Variants in QKI observed in about 807,000 individuals in gnomAD.
QKI encodes the protein QKI, KH domain containing RNA binding, also known as KH domain-containing RNA-binding protein QKI.
A neutral mutation model predicts 39.0 loss-of-function variants in QKI; 10 were observed. The observed-to-expected ratio is 0.26, with a 90% confidence interval of 0.16 to 0.43. The LOEUF (loss-of-function observed/expected upper bound fraction) is 0.43, where lower values mean the gene tolerates loss of function less well. Among genes scored for constraint, QKI ranks in the 20% least tolerant of loss-of-function variants. The pLI is 1.00. For missense variants in QKI, 218 were observed against 428.0 expected (o/e 0.51, Z 4.33); for synonymous variants, 204 against 155.4 (o/e 1.31, Z -2.33).
chr6:163,431,755 G>A (rs544759135), intron 1 of QKI, among the ~76,000 whole-genome samples: 108 of 150,372 alleles, frequency 7.2e-4, no homozygotes, highest in Admixed American at 5.1e-3. Flanking sequence ...GTCTAAGGGT[G>A]GATAGTAGAA....
At chr6:163,491,748 A>G (rs1016441650) in intron 3 of QKI, among the ~76,000 whole-genome samples, 31 of 152,216 alleles carry the variant, frequency 2.0e-4, no homozygotes, top group Admixed American at 3.3e-4. Flanking sequence ...AATTTATTTG[A>G]AAATACATTT....
intron 3 of QKI, among the ~76,000 whole-genome samples, chr6:163,486,225 T>C (rs1407472606): frequency 1.3e-5 from 2 of 152,254 alleles, no homozygotes; most frequent in African/African-American, 4.8e-5. Context: ...CTTCCATCTC[T>C]CACTGGATAT....
chr6:163,517,081 TTCTCTC>T (rs757701002), intron 3 of QKI, among the ~76,000 whole-genome samples: 10 of 97,654 alleles, frequency 1.0e-4, no homozygotes, highest in South Asian at 4.0e-4. Context: ...CTCTCTCTCT[TTCTCTC>T]TCTCTCTCTC....
At chr6:163,516,034 AGAG>A (rs1779773608) in intron 3 of QKI, among the ~76,000 whole-genome samples, 1 of 152,066 alleles carries the variant, frequency 6.6e-6, no homozygotes, top group Non-Finnish European at 1.5e-5. Context: ...TTATTTTTAA[AGAG>A]AATACCTTTT....
intron 1 of QKI, among the ~76,000 whole-genome samples, chr6:163,447,605 G>A (rs1440611952): frequency 6.6e-6 from 1 of 152,012 alleles, no homozygotes; most frequent in Admixed American, 6.6e-5. Flanking sequence ...AGGACATAAC[G>A]ATATTTGTTA....
At chr6:163,431,228 C>T (rs934789575) in intron 1 of QKI, among the ~76,000 whole-genome samples, 1 of 152,040 alleles carries the variant, frequency 6.6e-6, no homozygotes, top group African/African-American at 2.4e-5. Context: ...CTTCAGGTTT[C>T]AATTGAAAGG....
intron 4 of QKI, among the ~76,000 whole-genome samples, chr6:163,537,147 A>T (rs1781255769): frequency 6.6e-6 from 1 of 152,134 alleles, no homozygotes; most frequent in Non-Finnish European, 1.5e-5. Flanking sequence ...GTTGAGCTAT[A>T]TGATAGCACC....
At chr6:163,492,924 T>C (rs998735731) in intron 3 of QKI, among the ~76,000 whole-genome samples, 4 of 152,170 alleles carry the variant, frequency 2.6e-5, no homozygotes, top group Non-Finnish European at 4.4e-5. Context: ...AACCTCATCT[T>C]TTATAACATA....
intron 3 of QKI, among the ~76,000 whole-genome samples, chr6:163,494,656 T>C (rs1031295135): frequency 1.1e-5 from 1 of 89,936 alleles, no homozygotes; most frequent in Admixed American, 1.3e-4. Context: ...TTTGGGTTTT[T>C]TTTTTGTTTT....
At chr6:163,415,681 G>T (rs1443607380) in intron 1 of QKI, among the ~76,000 whole-genome samples, 1 of 151,856 alleles carries the variant, frequency 6.6e-6, no homozygotes, top group Non-Finnish European at 1.5e-5. Context: ...GGACTCGGTG[G>T]TCCTCGCCGA....
At position 163,565,257 on chromosome 6, in the gene QKI, C is replaced by A. The variant is rs181840555; in HGVS notation, c.935-1464C>A. The A allele has an allele frequency of 6.1e-6, 6 of 986,708 alleles. No homozygotes were observed. The East Asian group carries it at 6.8e-4, about 112-fold the overall frequency. 61.1% of individuals were successfully genotyped at this position (986,708 alleles called of 1,614,324 possible). A position where few individuals can be genotyped will look rare whatever the true frequency, so the allele number is the denominator to read the frequency against. Reference sequence around the variant, plus strand: ...CTATTAATACTCTGTCCTGTGGTCCCGTGCATGCTCCTTTTCCCAGAACTC... The same window carrying A: ...CTATTAATACTCTGTCCTGTGGTCCAGTGCATGCTCCTTTTCCCAGAACTC... On this transcript the variant is annotated intron_variant, in intron 6 of 7. Coordinates refer to ENST00000361752, the MANE Select transcript of QKI (RefSeq NM_006775.3).
chr6:163,540,347 T>C (rs1781435932), intron 4 of QKI, among the ~76,000 whole-genome samples: 1 of 152,168 alleles, frequency 6.6e-6, no homozygotes, highest in African/African-American at 2.4e-5. Flanking sequence ...CTAATAAATC[T>C]GATTAAAGAT....
intron 3 of QKI, among the ~76,000 whole-genome samples, chr6:163,494,236 T>TA: frequency 6.6e-6 from 1 of 152,340 alleles, no homozygotes; most frequent in African/African-American, 2.4e-5. Context: ...TTCAGTATTT[T>TA]AAGTAATCTA....
chr6:163,535,211 A>G, intron 4 of QKI, 86 bp downstream of exon 4: 1 of 1,304,918 alleles, frequency 7.7e-7, no homozygotes, highest in South Asian at 2.1e-5. Flanking sequence ...TATAAGGAAT[A>G]GGTTATTGGT....
chr6:163,508,193 G>A (rs1779214956), intron 3 of QKI, among the ~76,000 whole-genome samples: 1 of 151,938 alleles, frequency 6.6e-6, no homozygotes, highest in Non-Finnish European at 1.5e-5. Flanking sequence ...GAAAAAGAGG[G>A]TAAATAAGAC....
At chr6:163,452,243 A>G (rs1419884715) in intron 1 of QKI, among the ~76,000 whole-genome samples, 2 of 152,230 alleles carry the variant, frequency 1.3e-5, no homozygotes, top group African/African-American at 4.8e-5. Context: ...TAAAGGTAGT[A>G]CATAGTTGGC....
chr6:163,431,137 T>G (rs2128210969), intron 1 of QKI, among the ~76,000 whole-genome samples: 1 of 152,282 alleles, frequency 6.6e-6, no homozygotes, highest in South Asian at 2.1e-4. Context: ...GGAATCTTAA[T>G]TTTGAATGAG....
Position 163,546,868 on chromosome 6 carries a change from A to G in QKI, c.546+11743A>G, listed in dbSNP as rs1293313334. Among the ~76,000 whole-genome samples, 9 of 151,436 alleles carry G rather than the reference A, an allele frequency of 5.9e-5. No individual in the cohort carries two copies. In the East Asian group the frequency reaches 1.3e-3, roughly 23 times the overall value. ...CTTTATGGGAATTAACTCTGAAACC[A>G]TATTGCCAAATTATATAAATAAGTA... On this transcript the variant is annotated intron_variant, in intron 4 of 7. Transcript: ENST00000361752.
chr6:163,526,780 A>G (rs1317156137), intron 3 of QKI, among the ~76,000 whole-genome samples: 1 of 152,180 alleles, frequency 6.6e-6, no homozygotes, highest in Non-Finnish European at 1.5e-5. Flanking sequence ...AAAGCAGCTC[A>G]TATCTAGAGA....
Sources: allele counts gnomAD v4.1 joint callset (sites outside exome capture counted in the v4.1 genomes callset), GRCh38; gene constraint gnomAD v4.1.1; transcripts MANE v1.5; gene names NCBI Gene and HGNC (gene_info 2026-07-23, HGNC 2026-07-21).